UNC5B: variants seen among roughly 807,000 people sequenced by gnomAD.
The protein encoded by UNC5B is netrin receptor UNC5B.
UNC5B carries 56 observed loss-of-function variants against 103.7 expected under a neutral mutation model. The observed-to-expected ratio is 0.54, with a 90% CI of 0.44 to 0.67. UNC5B has a LOEUF of 0.67. Ranked by LOEUF, UNC5B falls within the 30% of genes least tolerant of loss-of-function variation. UNC5B has a pLI of 0.00. For missense variants in UNC5B, 1,194 were observed against 1,284.5 expected (o/e 0.93, Z 1.08); for synonymous variants, 577 against 542.0 (o/e 1.06, Z -0.90).
chr10:71,274,020 T>C (rs891583490), intron 1 of UNC5B, among the ~76,000 whole-genome samples: 2 of 152,208 alleles, frequency 1.3e-5, no homozygotes, highest in Non-Finnish European at 2.9e-5. Flanking sequence ...ACCTCCAGAC[T>C]GGGAAGTGCA....
chr10:71,260,931 C>T (rs532477067), intron 1 of UNC5B, among the ~76,000 whole-genome samples: 1 of 152,300 alleles, frequency 6.6e-6, no homozygotes, highest in Non-Finnish European at 1.5e-5. Flanking sequence ...GGGACACCTC[C>T]GCTGCTGAGC....
intron 1 of UNC5B, among the ~76,000 whole-genome samples, chr10:71,223,123 G>T (rs1176432845): frequency 6.6e-6 from 1 of 152,196 alleles, no homozygotes; most frequent in Admixed American, 6.5e-5. Flanking sequence ...GGGTTGGGGA[G>T]ACAGGTTCAG....
chr10:71,276,802 C>G (rs972006071), intron 1 of UNC5B, among the ~76,000 whole-genome samples: 1 of 152,230 alleles, frequency 6.6e-6, no homozygotes, highest in African/African-American at 2.4e-5. Context: ...CACTCATGGT[C>G]CCTCCAGGCA....
intron 1 of UNC5B, among the ~76,000 whole-genome samples, chr10:71,258,352 G>A (rs1844339885): frequency 6.6e-6 from 1 of 152,192 alleles, no homozygotes; most frequent in African/African-American, 2.4e-5. Flanking sequence ...CTGCCCACCT[G>A]CTGGCCAAGT....
chr10:71,290,815 G>A, intron 8 of UNC5B, 100 bp from the exon 9 acceptor site: 1 of 1,400,380 alleles, frequency 7.1e-7, no homozygotes, highest in Non-Finnish European at 9.5e-7. Flanking sequence ...CACCGGGCCG[G>A]TTGGCCCTGG....
chr10:71,286,673 A>G lies in UNC5B; in HGVS notation c.553-16A>G. ...TGTCCTGGGCCCTCACTGCCCCCTC[A>G]CCCCCACTCTTGCAGGTGGAATGGC... On this transcript the variant is annotated splice_polypyrimidine_tract_variant and intron_variant, in intron 4 of 16. Coordinates refer to ENST00000335350, the MANE Select transcript of UNC5B (RefSeq NM_170744.5). 1 of 1,612,840 alleles carries G rather than the reference A, an allele frequency of 6.2e-7. No individual in the cohort carries two copies. Among genetic ancestry groups the G allele is most frequent in the South Asian group, 1.1e-5 (1 of 90,986 alleles).
intron 2 of UNC5B, among the ~76,000 whole-genome samples, chr10:71,283,542 G>A (rs940673674): frequency 4.6e-5 from 7 of 152,162 alleles, no homozygotes; most frequent in African/African-American, 1.7e-4. Flanking sequence ...ACAATCCATG[G>A]TGCAATGAGA....
At chr10:71,250,714 T>A (rs1266608487) in intron 1 of UNC5B, among the ~76,000 whole-genome samples, 1 of 152,252 alleles carries the variant, frequency 6.6e-6, no homozygotes, top group Non-Finnish European at 1.5e-5. Context: ...GGCTAAATTC[T>A]AAAGTATTGT....
At chr10:71,235,467 G>C (rs1175048306) in intron 1 of UNC5B, among the ~76,000 whole-genome samples, 2 of 152,244 alleles carry the variant, frequency 1.3e-5, no homozygotes, top group Non-Finnish European at 2.9e-5. Flanking sequence ...GCCAGCGTGG[G>C]CTGGGATGGG....
intron 1 of UNC5B, among the ~76,000 whole-genome samples, chr10:71,233,335 T>A (rs1487390413): frequency 6.6e-6 from 1 of 152,190 alleles, no homozygotes; most frequent in Non-Finnish European, 1.5e-5. Context: ...GGGTCCACAG[T>A]ACAAGGTCAA....
At chr10:71,265,866 G>A (rs1026957205) in intron 1 of UNC5B, among the ~76,000 whole-genome samples, 1 of 152,106 alleles carries the variant, frequency 6.6e-6, no homozygotes, top group Non-Finnish European at 1.5e-5. Context: ...CCCCATGCTG[G>A]CCACATGCCT....
intron 14 of UNC5B, 104 bp from the exon 15 acceptor site, chr10:71,296,474 C>T (rs985533185): frequency 3.0e-6 from 4 of 1,348,814 alleles, no homozygotes; most frequent in African/African-American, 1.4e-5. Flanking sequence ...GGTGGAGAGG[C>T]CTGAACTGCC....
At chr10:71,290,770 C>A in intron 8 of UNC5B, 145 bp from the exon 9 acceptor site, 1 of 992,008 alleles carries the variant, frequency 1.0e-6, no homozygotes, top group Non-Finnish European at 1.4e-6. Flanking sequence ...CCGAGGTTGC[C>A]AGCCTGTGTA....
intron 1 of UNC5B, among the ~76,000 whole-genome samples, chr10:71,234,873 C>T (rs1427040129): frequency 3.3e-5 from 5 of 152,164 alleles, no homozygotes; most frequent in Non-Finnish European, 7.4e-5. Flanking sequence ...CAGGGTCATT[C>T]TGAACACATC....
intron 1 of UNC5B, among the ~76,000 whole-genome samples, chr10:71,215,739 G>A (rs1428351877): frequency 2.6e-5 from 4 of 152,014 alleles, no homozygotes; most frequent in Admixed American, 6.6e-5. Flanking sequence ...AGAAGGAGTC[G>A]AGGTGTCAAG....
chr10:71,258,049 G>A (rs1042288929), intron 1 of UNC5B, among the ~76,000 whole-genome samples: 1 of 152,188 alleles, frequency 6.6e-6, no homozygotes. Flanking sequence ...GAGTTCACCT[G>A]ATGCCAGGTG....
Position 71,299,650 on chromosome 10 carries a change from C to CT in UNC5B, c.*374dup, listed in dbSNP as rs3839935. On this transcript the variant is annotated 3_prime_UTR_variant, in exon 17 of 17. Coordinates refer to ENST00000335350, the MANE Select transcript of UNC5B (RefSeq NM_170744.5). ...GGGTTCCATGGGTTTTAGTTCCGTT[C>CT]TCGTTTTCTTCCTCCGTTATTGATT... 0.57 allele frequency: 108,261 copies of CT among 190,342 alleles called. 33,693 individuals are homozygous for CT. The highest frequency in any genetic ancestry group is 0.86 in the African/African-American group (36,785 of 42,984). The allele number at this position is 190,342 out of a possible 1,614,324, so 11.8% of individuals were successfully genotyped here.
chr10:71,288,855 C>G (rs1845169478), intron 7 of UNC5B, 103 bp from the exon 8 acceptor site: 28 of 1,564,404 alleles, frequency 1.8e-5, no homozygotes, highest in Non-Finnish European at 2.0e-5. Flanking sequence ...GGCCTCTGTC[C>G]CCCCACCACA....
Position 71,296,755 on chromosome 10 carries a change from G to C in UNC5B, c.2490+13G>C, listed in dbSNP as rs768007414. 1 of 1,593,924 alleles carries C rather than the reference G, an allele frequency of 6.3e-7. No individual in the cohort carries two copies. Among genetic ancestry groups the C allele is most frequent in the East Asian group, 2.3e-5 (1 of 43,576 alleles). ...CACTCTGGCAGAGGTGAGGGAAGTC[G>C]GGGCCACATATTCCAGCTGCACACC... On this transcript the variant is annotated intron_variant, in intron 15 of 16. Coordinates refer to ENST00000335350, the MANE Select transcript of UNC5B (RefSeq NM_170744.5).
Sources: gnomAD v4.1 joint callset for allele counts (sites outside exome capture counted in the v4.1 genomes callset) on GRCh38, gnomAD v4.1.1 for gene constraint, MANE v1.5 for transcripts, NCBI Gene and HGNC (gene_info 2026-07-23, HGNC 2026-07-21) for gene names.